Variants in QSOX1 observed in about 807,000 individuals in gnomAD.
The protein encoded by QSOX1 is sulfhydryl oxidase 1.
QSOX1 carries 40 observed loss-of-function variants against 76.1 expected under a neutral mutation model. That is an observed-to-expected ratio of 0.53 (90% CI 0.41 to 0.68). The LOEUF is 0.68. Among genes scored for constraint, QSOX1 ranks in the 30% least tolerant of loss-of-function variants. The pLI, the probability that QSOX1 is intolerant of heterozygous loss-of-function variation, is 0.00. For synonymous variants in QSOX1, 392 were observed against 413.1 expected (o/e 0.95, Z 0.62); for missense variants, 931 against 974.3 (o/e 0.96, Z 0.59).
intron 2 of QSOX1, among the ~76,000 whole-genome samples, chr1:180,166,804 A>T (rs949470214): frequency 6.6e-6 from 1 of 152,136 alleles, no homozygotes; most frequent in Admixed American, 6.5e-5. Context: ...AAGAGGTCTG[A>T]TCTAACTCTA....
At position 180,197,071 on chromosome 1, in the gene QSOX1, C is replaced by T; in HGVS notation, c.*34C>T. On this transcript the variant is annotated 3_prime_UTR_variant, in exon 12 of 12. Coordinates refer to ENST00000367602, the MANE Select transcript of QSOX1 (RefSeq NM_002826.5). The stretch of plus-strand genomic sequence containing the variant: ...GGGAGGAGGCGGGAGAGGGAGCTGC[C>T]ATCTCTAGGCACCTCAAGCCCCCTG... 1 of 1,573,280 alleles carries T rather than the reference C, an allele frequency of 6.4e-7. No homozygotes were observed. The highest frequency in any genetic ancestry group is 8.6e-7 in the Non-Finnish European group (1 of 1,159,560).
chr1:180,181,431 C>T (rs868319342), intron 5 of QSOX1, among the ~76,000 whole-genome samples: 60 of 152,300 alleles, frequency 3.9e-4, no homozygotes, highest in African/African-American at 1.3e-3. Context: ...CGTTAAGAAA[C>T]GTTTTCAGAT....
intron 5 of QSOX1, among the ~76,000 whole-genome samples, chr1:180,179,508 G>A (rs1662977376): frequency 6.6e-6 from 1 of 152,232 alleles, no homozygotes; most frequent in African/African-American, 2.4e-5. Flanking sequence ...AGCAGTTTAT[G>A]TAAAGGGCCT....
chr1:180,159,954 C>G lies in QSOX1; in HGVS notation c.265+4782C>G, dbSNP rs78243154. 3.3e-3 allele frequency among the ~76,000 whole-genome samples: 499 copies of G among 152,280 alleles called. 1 individual carries two copies. Among genetic ancestry groups the G allele is most frequent in the African/African-American group, 0.011 (467 of 41,560 alleles). On this transcript the variant is annotated intron_variant, in intron 1 of 11. Transcript: ENST00000367602. ...CTCAGTAATCATCGTTTTGGGTTTT[C>G]GGTCTTAACACATCATTTATAGGTT...
chr1:180,174,740 G>A (rs1558187008), intron 2 of QSOX1, among the ~76,000 whole-genome samples: 1 of 152,206 alleles, frequency 6.6e-6, no homozygotes. Flanking sequence ...GGAGGAAAGT[G>A]TATGAACTGC....
intron 8 of QSOX1, 49 bp downstream of exon 8, chr1:180,186,231 A>G: frequency 1.3e-6 from 2 of 1,531,148 alleles, no homozygotes; most frequent in Non-Finnish European, 1.7e-6. Context: ...ACGGATGGTC[A>G]GTGTGCGTTC....
Position 180,196,123 on chromosome 1 carries a change from C to A in QSOX1, c.1469-139C>A. The A allele has an allele frequency of 9.1e-7, 1 of 1,093,428 alleles. No individual in the cohort carries two copies. The highest frequency in any genetic ancestry group is 1.3e-6 in the Non-Finnish European group (1 of 777,832). The allele number at this position is 1,093,428 out of a possible 1,614,324, so 67.7% of individuals were successfully genotyped here. ...GGCTAGTGTTTGTAATCTGTATTTT[C>A]TAATTACCCATCCTCTGGAAGGGCA... On this transcript the variant is annotated intron_variant, in intron 11 of 11. Coordinates refer to ENST00000367602, the MANE Select transcript of QSOX1 (RefSeq NM_002826.5). The surrounding 1 kb of genome is among the most constrained non-coding windows in gnomAD (Gnocchi z 4.1).
In QSOX1 at chr1:180,196,701, G is replaced by T; in HGVS notation, c.1908G>T (p.Pro636=). 2 of 1,614,084 alleles carry T rather than the reference G, an allele frequency of 1.2e-6. No individual in the cohort carries two copies. Among genetic ancestry groups the T allele is most frequent in the Non-Finnish European group, 1.7e-6 (2 of 1,180,038 alleles). ...TTCAGAGGAATGAGCAGGAGCAGCC[G>T]CTTGGGCAGTGGCACTTGAGCAAGC... ...AELQRNEQEQ[P]LGQWHLSKRD... The change falls in exon 12 of 12, where the codon CCG becomes CCT. Residue 636 remains proline (P), a synonymous_variant. Coordinates refer to ENST00000367602, the MANE Select transcript of QSOX1 (RefSeq NM_002826.5). The surrounding 1 kb of genome is among the most constrained non-coding windows in gnomAD (Gnocchi z 4.1).
intron 8 of QSOX1, among the ~76,000 whole-genome samples, chr1:180,186,411 G>A (rs1285361934): frequency 6.6e-6 from 1 of 152,228 alleles, no homozygotes; most frequent in Non-Finnish European, 1.5e-5. Flanking sequence ...CAGCAGTGTG[G>A]GTGGGACACA....
At chr1:180,156,121 T>G (rs1662371930) in intron 1 of QSOX1, among the ~76,000 whole-genome samples, 1 of 152,242 alleles carries the variant, frequency 6.6e-6, no homozygotes. Context: ...ATAATAGTAA[T>G]TAATATTTAC....
intron 8 of QSOX1, among the ~76,000 whole-genome samples, chr1:180,188,213 T>C (rs1390096870): frequency 1.3e-5 from 2 of 152,078 alleles, no homozygotes; most frequent in Non-Finnish European, 2.9e-5. Flanking sequence ...CCCCTAAGGG[T>C]GCCAGTGGAC....
chr1:180,164,422 C>T (rs761514458), intron 1 of QSOX1, among the ~76,000 whole-genome samples: 14 of 152,198 alleles, frequency 9.2e-5, no homozygotes, highest in African/African-American at 3.4e-4. Flanking sequence ...CCCAACCCCC[C>T]ACCCACCTCC....
chr1:180,195,315 C>T (rs1165893210), intron 11 of QSOX1, among the ~76,000 whole-genome samples: 1 of 152,114 alleles, frequency 6.6e-6, no homozygotes, highest in African/African-American at 2.4e-5. Flanking sequence ...AATTACCAGG[C>T]ACAAGCTGAG....
At chr1:180,161,785 A>C (rs1421053387) in intron 1 of QSOX1, among the ~76,000 whole-genome samples, 1 of 152,230 alleles carries the variant, frequency 6.6e-6, no homozygotes, top group East Asian at 1.9e-4. Flanking sequence ...CATGTAATTA[A>C]TTCTTGTTGT....
intron 10 of QSOX1, among the ~76,000 whole-genome samples, chr1:180,193,025 A>G (rs1353870238): frequency 1.3e-5 from 2 of 152,082 alleles, no homozygotes; most frequent in African/African-American, 4.8e-5. Context: ...GGACATCTCT[A>G]GCAAGGGCTG....
chr1:180,192,937 A>AG (rs1663356255), intron 10 of QSOX1, among the ~76,000 whole-genome samples: 1 of 152,050 alleles, frequency 6.6e-6, no homozygotes, highest in South Asian at 2.1e-4. Flanking sequence ...GGTGATTTCA[A>AG]GGGGGCCCCA....
intron 2 of QSOX1, among the ~76,000 whole-genome samples, chr1:180,171,289 G>A (rs537365130): frequency 5.3e-5 from 8 of 152,294 alleles, no homozygotes; most frequent in African/African-American, 1.4e-4. Flanking sequence ...GAGGTAACAC[G>A]GAGGTCAAAT....
At position 180,182,381 on chromosome 1, in the gene QSOX1, C is replaced by G. The variant is rs550727053; in HGVS notation, c.752+62C>G. The G allele has an allele frequency of 1.2e-4, 184 of 1,591,520 alleles. No homozygotes were observed. In the African/African-American group the frequency reaches 2.2e-3, roughly 19 times the overall value. On this transcript the variant is annotated intron_variant, in intron 6 of 11. Coordinates refer to ENST00000367602, the MANE Select transcript of QSOX1 (RefSeq NM_002826.5). ...TCCCTGTGCTCATCCTTCCTTCTTGCCCAGAGGGGCTGCCCGCCTTTCACA... is the reference window on the plus strand; with the variant it reads ...TCCCTGTGCTCATCCTTCCTTCTTGGCCAGAGGGGCTGCCCGCCTTTCACA...
In QSOX1 at chr1:180,203,286, T is replaced by A. The variant is rs1663671894; in HGVS notation, c.*6249T>A. On this transcript the variant is annotated 3_prime_UTR_variant, in exon 12 of 12. Transcript: ENST00000367602. Reference sequence around the variant, plus strand: ...ACTATTGTTATATATATGCTAACGTTTGTCTAGAAAAAGTCTAGAAAAATA... The same window carrying A: ...ACTATTGTTATATATATGCTAACGTATGTCTAGAAAAAGTCTAGAAAAATA... 6.6e-6 allele frequency: 1 copy of A among 152,200 alleles called. No individual in the cohort carries two copies. The highest frequency in any genetic ancestry group is 1.5e-5 in the Non-Finnish European group (1 of 68,046). The allele number at this position is 152,200 out of a possible 1,614,324, so 9.4% of individuals were successfully genotyped here.
Sources: gnomAD v4.1 joint callset for allele counts (sites outside exome capture counted in the v4.1 genomes callset) on GRCh38, gnomAD v4.1.1 for gene constraint, Gnocchi (gnomAD v3.1) non-coding constraint, MANE v1.5 for transcripts, NCBI Gene and HGNC (gene_info 2026-07-23, HGNC 2026-07-21) for gene names.